ADAMTSL1: variants seen among roughly 807,000 people sequenced by gnomAD.
The protein encoded by ADAMTSL1 is ADAMTS-like protein 1.
ADAMTSL1 carries 126 observed loss-of-function variants against 201.8 expected under a neutral mutation model. The ratio of observed to expected loss-of-function variants is 0.62; its 90% confidence interval spans 0.54 to 0.72. The LOEUF is 0.72. Ranked by LOEUF, ADAMTSL1 falls within the 30% of genes least tolerant of loss-of-function variation. The pLI is 0.00. For synonymous variants in ADAMTSL1, 1,121 were observed against 903.4 expected, an observed-to-expected ratio of 1.24 and a Z score of -4.32; for missense variants, 2,679 against 2,277.8, an observed-to-expected ratio of 1.18 and a Z score of -3.59.
intron 2 of ADAMTSL1, among the ~76,000 whole-genome samples, chr9:18,325,684 A>G (rs1834801778): frequency 6.6e-6 from 1 of 151,756 alleles, no homozygotes; most frequent in African/African-American, 2.4e-5. Context: ...CACATGGCAG[A>G]AAGGGAAGAT....
intron 1 of ADAMTSL1, among the ~76,000 whole-genome samples, chr9:17,937,632 T>TACC (rs1827069134): frequency 2.8e-4 from 1 of 3,512 alleles, no homozygotes; most frequent in Non-Finnish European, 7.7e-4. Flanking sequence ...TAAAATCTTG[T>TACC]TGATTTAAAT....
intron 9 of ADAMTSL1, among the ~76,000 whole-genome samples, chr9:18,663,323 A>C (rs887146645): frequency 1.3e-5 from 2 of 152,146 alleles, no homozygotes; most frequent in African/African-American, 2.4e-5. Context: ...GATATTTTAT[A>C]ATTGTAAAAT....
At chr9:17,953,990 C>G (rs1252724512) in intron 1 of ADAMTSL1, among the ~76,000 whole-genome samples, 2 of 152,130 alleles carry the variant, frequency 1.3e-5, no homozygotes, top group African/African-American at 4.8e-5. Flanking sequence ...TTCTACATCA[C>G]GTGCCTATTT....
intron 10 of ADAMTSL1, among the ~76,000 whole-genome samples, chr9:18,677,054 G>A (rs956794782): frequency 6.6e-6 from 1 of 151,654 alleles, no homozygotes; most frequent in East Asian, 1.9e-4. Flanking sequence ...CACATCTATC[G>A]ATGTTTATAT....
intron 2 of ADAMTSL1, among the ~76,000 whole-genome samples, chr9:18,357,099 C>A (rs995852882): frequency 9.2e-5 from 14 of 152,116 alleles, no homozygotes; most frequent in African/African-American, 3.1e-4. Flanking sequence ...ACTGGGACAT[C>A]TTTTTTTCAA....
intron 1 of ADAMTSL1, among the ~76,000 whole-genome samples, chr9:18,162,629 C>T (rs547896575): frequency 1.2e-4 from 18 of 151,824 alleles, no homozygotes; most frequent in African/African-American, 4.3e-4. Context: ...AGAGTATACC[C>T]CTTTCCAAAA....
At chr9:18,179,751 C>G (rs1828367521) in intron 2 of ADAMTSL1, among the ~76,000 whole-genome samples, 1 of 151,984 alleles carries the variant, frequency 6.6e-6, no homozygotes, top group Non-Finnish European at 1.5e-5. Flanking sequence ...ATTTTCAACC[C>G]AGAATTTCAT....
At chr9:18,847,003 G>T (rs944073321) in intron 23 of ADAMTSL1, among the ~76,000 whole-genome samples, 2 of 152,204 alleles carry the variant, frequency 1.3e-5, no homozygotes, top group Non-Finnish European at 2.9e-5. Context: ...AATGCAGAAT[G>T]TGTAGTTATA....
At chr9:18,702,720 C>G (rs992845623) in intron 13 of ADAMTSL1, among the ~76,000 whole-genome samples, 13 of 151,650 alleles carry the variant, frequency 8.6e-5, no homozygotes, top group Admixed American at 4.6e-4. Flanking sequence ...AATAATTTGT[C>G]AAACCATTCT....
chr9:18,317,095 A>C (rs12004802), intron 2 of ADAMTSL1, among the ~76,000 whole-genome samples: 11,143 of 152,250 alleles, frequency 0.073, 412 homozygotes, highest in Middle Eastern at 0.13. Flanking sequence ...ATGAACCTGG[A>C]AGACATTATG....
intron 2 of ADAMTSL1, among the ~76,000 whole-genome samples, chr9:18,229,699 ATT>A (rs773975377): frequency 2.1e-5 from 3 of 144,322 alleles, no homozygotes; most frequent in Non-Finnish European, 4.6e-5. Flanking sequence ...TTCAACCAAC[ATT>A]TTTTTTTTTT....
intron 2 of ADAMTSL1, among the ~76,000 whole-genome samples, chr9:18,201,284 A>C (rs1829434606): frequency 6.6e-6 from 1 of 152,058 alleles, no homozygotes; most frequent in Non-Finnish European, 1.5e-5. Flanking sequence ...TTGAGCAATA[A>C]ATTTGATGAT....
chr9:18,636,014 T>C lies in ADAMTSL1; in HGVS notation c.673T>C (p.Leu225=). 3 of 1,585,442 alleles carry C rather than the reference T, an allele frequency of 1.9e-6. No individual in the cohort carries two copies. The highest frequency in any genetic ancestry group is 2.6e-6 in the Non-Finnish European group (3 of 1,172,228). Residue 225 remains leucine, a synonymous_variant, in exon 6 of 29, where the codon TTA becomes CTA. Coordinates refer to ENST00000380548, the MANE Select transcript of ADAMTSL1 (RefSeq NM_001040272.6). Reference sequence around the variant, plus strand: ...CCTTGTCTTAAAAGGTCCTGATCACTTATGTAAGTAACTCCATTGTTTTCC... The same window carrying C: ...CCTTGTCTTAAAAGGTCCTGATCACCTATGTAAGTAACTCCATTGTTTTCC... ...IRLVLKGPDH[L]YLETKTLQGT...
At chr9:18,241,141 G>A (rs1287214624) in intron 2 of ADAMTSL1, among the ~76,000 whole-genome samples, 2 of 152,096 alleles carry the variant, frequency 1.3e-5, no homozygotes, top group East Asian at 1.9e-4. Context: ...ACTAACTACT[G>A]AGTACAAGAA....
chr9:18,265,634 A>G (rs1832092220), intron 2 of ADAMTSL1, among the ~76,000 whole-genome samples: 1 of 152,242 alleles, frequency 6.6e-6, no homozygotes. Context: ...TGCTAAAATA[A>G]GATTTCTTTT....
At chr9:17,927,375 T>G (rs1826586591) in intron 1 of ADAMTSL1, among the ~76,000 whole-genome samples, 1 of 152,154 alleles carries the variant, frequency 6.6e-6, no homozygotes, top group Non-Finnish European at 1.5e-5. Context: ...TATGTGCATA[T>G]ACATGCACAC....
intron 2 of ADAMTSL1, among the ~76,000 whole-genome samples, chr9:18,382,568 T>A (rs150382663): frequency 6.6e-6 from 1 of 151,490 alleles, no homozygotes; most frequent in East Asian, 1.9e-4. Flanking sequence ...GCACATGGAG[T>A]CTTCGAGTAC....
intron 19 of ADAMTSL1, 68 bp from the exon 20 acceptor site, chr9:18,795,329 C>T (rs887690589): frequency 1.3e-6 from 2 of 1,597,824 alleles, no homozygotes; most frequent in Non-Finnish European, 1.7e-6. Context: ...TCCTGCCTTA[C>T]CAATATTGAA....
At chr9:18,706,039 G>A (rs767264669) in intron 13 of ADAMTSL1, among the ~76,000 whole-genome samples, 5 of 152,204 alleles carry the variant, frequency 3.3e-5, no homozygotes, top group Non-Finnish European at 7.3e-5. Flanking sequence ...GAATAAAAGG[G>A]TGGCTACTCC....
Sources: allele counts gnomAD v4.1 joint callset (sites outside exome capture counted in the v4.1 genomes callset), GRCh38; gene constraint gnomAD v4.1.1; transcripts MANE v1.5; gene names NCBI Gene and HGNC (gene_info 2026-07-23, HGNC 2026-07-21).